NAA25: variants seen among roughly 807,000 people sequenced by gnomAD.
The protein encoded by NAA25 is N-alpha-acetyltransferase 25, NatB auxiliary subunit, also known as N-terminal acetyltransferase B complex subunit NAA25.
NAA25 carries 30 observed loss-of-function variants against 132.5 expected under a neutral mutation model. The observed-to-expected ratio is 0.23, with a 90% CI of 0.17 to 0.31. NAA25 has a LOEUF of 0.31. Ranked by LOEUF, NAA25 falls within the 10% of genes least tolerant of loss-of-function variation. The pLI, the probability that NAA25 is intolerant of heterozygous loss-of-function variation, is 1.00. For missense variants in NAA25, 771 were observed against 1,150.4 expected (o/e 0.67, Z 4.77); for synonymous variants, 359 against 401.9 (o/e 0.89, Z 1.28).
In NAA25 at chr12:112,078,744, G is replaced by A. The variant is rs763730408; in HGVS notation, c.478-3C>T. On this transcript the variant is annotated splice_region_variant and splice_polypyrimidine_tract_variant and intron_variant, in intron 5 of 23. Coordinates refer to ENST00000261745, the MANE Select transcript of NAA25 (RefSeq NM_024953.4). ...TTTTCATCCTGTGCCGATATAGACT[G>A]AAAGAAGAAAAATAATGTTTCATTC... is the stretch of plus-strand genomic sequence containing the variant. The A allele has an allele frequency of 7.5e-6, 12 of 1,605,742 alleles. No individual in the cohort carries two copies. The highest frequency in any genetic ancestry group is 5.5e-5 in the South Asian group (5 of 90,252).
chr12:112,103,393 T>A (rs2079321588), intron 1 of NAA25, among the ~76,000 whole-genome samples: 1 of 152,158 alleles, frequency 6.6e-6, no homozygotes, highest in Non-Finnish European at 1.5e-5. Flanking sequence ...CAGGGACTGT[T>A]TTGGTTATGA....
At chr12:112,030,251 T>G (rs2078132280) in intron 23 of NAA25, among the ~76,000 whole-genome samples, 1 of 138,972 alleles carries the variant, frequency 7.2e-6, no homozygotes, top group African/African-American at 2.6e-5. Context: ...GAAGAAAAAC[T>G]GAGATTTCTG....
intron 13 of NAA25, among the ~76,000 whole-genome samples, chr12:112,056,274 C>T (rs185744103): frequency 3.2e-4 from 49 of 152,126 alleles, no homozygotes; most frequent in Admixed American, 2.4e-3. Context: ...ACAGAGGTTG[C>T]AGTAAGCCGA....
Position 112,072,036 on chromosome 12 carries a change from C to T in NAA25, c.895G>A (p.Ala299Thr). ...HSLEGEVHYS[A>T]EKAVKFIEDR... is the part of the protein sequence containing the mutation. Reference sequence around the variant, plus strand: ...TCTATAAACTTCACAGCTTTTTCTGCAGAATAATGTACTTCTCCTTCTAAA... The same window carrying T: ...TCTATAAACTTCACAGCTTTTTCTGTAGAATAATGTACTTCTCCTTCTAAA... Residue 299 changes from alanine (A) to threonine (T), a missense_variant, in exon 10 of 24, where the codon GCA (alanine) becomes ACA (threonine). Coordinates refer to ENST00000261745, the MANE Select transcript of NAA25 (RefSeq NM_024953.4). 1 of 1,612,358 alleles carries T rather than the reference C, an allele frequency of 6.2e-7. No homozygotes were observed. Among genetic ancestry groups the T allele is most frequent in the East Asian group, 2.2e-5 (1 of 44,754 alleles).
At chr12:112,099,957 C>T (rs942921900) in intron 1 of NAA25, among the ~76,000 whole-genome samples, 1 of 152,140 alleles carries the variant, frequency 6.6e-6, no homozygotes, top group African/African-American at 2.4e-5. Context: ...TAGAAGAGAG[C>T]TCCATCTTTA....
chr12:112,047,877 G>A, intron 16 of NAA25, 87 bp from the exon 17 acceptor site: 1 of 1,325,816 alleles, frequency 7.5e-7, no homozygotes, highest in Non-Finnish European at 1.0e-6. Context: ...TTACTAGACA[G>A]GAAGGGAAAG....
At chr12:112,087,442 A>G (rs1439043513) in intron 4 of NAA25, among the ~76,000 whole-genome samples, 1 of 152,248 alleles carries the variant, frequency 6.6e-6, no homozygotes, top group Non-Finnish European at 1.5e-5. Flanking sequence ...CCAAAACCAA[A>G]CAAAACATAA....
chr12:112,060,181 G>C, intron 13 of NAA25, 89 bp downstream of exon 13: 5 of 862,272 alleles, frequency 5.8e-6, no homozygotes, highest in Non-Finnish European at 9.3e-6. Context: ...TAAAATTTGT[G>C]GATTGTAAAA....
intron 1 of NAA25, among the ~76,000 whole-genome samples, chr12:112,098,119 C>CAAAAAAAAAAAAAA (rs60232542): frequency 1.8e-5 from 1 of 54,162 alleles, no homozygotes; most frequent in Non-Finnish European, 3.8e-5. Context: ...GACTCCATCT[C>CAAAAAAAAAAAAAA]AAAAAAAAAA....
At chr12:112,042,953 T>A (rs1217453249) in intron 19 of NAA25, 135 bp downstream of exon 19, 2 of 750,698 alleles carry the variant, frequency 2.7e-6, no homozygotes, top group Admixed American at 5.0e-5. Flanking sequence ...TCTCATACAC[T>A]ACACCACACA....
chr12:112,051,586 T>C (rs1212175027), intron 15 of NAA25, among the ~76,000 whole-genome samples: 2 of 152,172 alleles, frequency 1.3e-5, no homozygotes, highest in African/African-American at 4.8e-5. Flanking sequence ...TCTATCTTCT[T>C]AGCGGTAATC....
chr12:112,040,621 A>G (rs1375383571), intron 20 of NAA25, 43 bp from the exon 21 acceptor site: 2 of 1,070,864 alleles, frequency 1.9e-6, no homozygotes, highest in South Asian at 2.7e-5. Flanking sequence ...CTTTTGTTTC[A>G]ATGCTATTTT....
intron 16 of NAA25, 74 bp from the exon 17 acceptor site, chr12:112,047,864 G>T: frequency 7.1e-7 from 1 of 1,406,934 alleles, no homozygotes. Flanking sequence ...AGGACTTCCT[G>T]TTTTACTAGA....
rs758578705 is a variant in NAA25 at position 112,039,241 on chromosome 12, G to T, written c.2637C>A (p.Thr879=). The T allele has an allele frequency of 6.3e-7, 1 of 1,585,056 alleles. No homozygotes were observed. Among genetic ancestry groups the T allele is most frequent in the South Asian group, 1.1e-5 (1 of 87,986 alleles). Residue 879 remains threonine (T), a synonymous_variant, in exon 22 of 24, where the codon ACC becomes ACA. Coordinates refer to ENST00000261745, the MANE Select transcript of NAA25 (RefSeq NM_024953.4). ...TTACTGTTATTACCATGATGATGCT[G>T]GTTTCTTTTTTCTTCTTTTTCTTTT... ...LQKKKKKKKE[T]SIIMPPVFTS...
At chr12:112,078,862 G>C (rs2078930502) in intron 5 of NAA25, 121 bp from the exon 6 acceptor site, 1 of 751,344 alleles carries the variant, frequency 1.3e-6, no homozygotes, top group Non-Finnish European at 2.1e-6. Flanking sequence ...GACCTAATAT[G>C]AATTCCCTGC....
chr12:112,040,412 C>G, intron 21 of NAA25, 69 bp downstream of exon 21: 1 of 927,980 alleles, frequency 1.1e-6, no homozygotes, highest in South Asian at 1.5e-5. Context: ...TACCTGTTCA[C>G]TGTTGAAAAA....
chr12:112,044,531 G>A (rs1041725524), intron 17 of NAA25, among the ~76,000 whole-genome samples: 1 of 151,696 alleles, frequency 6.6e-6, no homozygotes, highest in African/African-American at 2.4e-5. Flanking sequence ...TTAGCCGGGC[G>A]TGGTGGTGGG....
In NAA25 at chr12:112,054,368, T is replaced by TCA. The variant is rs758619362; in HGVS notation, c.1628+18_1628+19dup. On this transcript the variant is annotated intron_variant, in intron 14 of 23. Coordinates refer to ENST00000261745, the MANE Select transcript of NAA25 (RefSeq NM_024953.4). ...ACTGGTATAGCTGGCTGCTCATTAT[T>TCA]CAGAGTATATACTACCAACCCAATG... 1 of 1,608,074 alleles carries TCA rather than the reference T, an allele frequency of 6.2e-7. No homozygotes were observed.
intron 22 of NAA25, among the ~76,000 whole-genome samples, chr12:112,036,074 A>G (rs1400300150): frequency 6.6e-6 from 1 of 152,196 alleles, no homozygotes. Context: ...AACCTTAATA[A>G]AACAGCACAT....
Sources: gnomAD v4.1 joint callset for allele counts (sites outside exome capture counted in the v4.1 genomes callset) on GRCh38, gnomAD v4.1.1 for gene constraint, MANE v1.5 for transcripts, NCBI Gene and HGNC (gene_info 2026-07-23, HGNC 2026-07-21) for gene names.